DACH2: variants seen among roughly 807,000 people sequenced by gnomAD.
DACH2 encodes dachshund family transcription factor 2.
A neutral mutation model predicts 35.8 loss-of-function variants in DACH2; 17 were observed. The observed-to-expected ratio is 0.48, with a 90% CI of 0.33 to 0.71. DACH2 has a LOEUF of 0.71. Among genes scored for constraint, DACH2 ranks in the 30% least tolerant of loss-of-function variants. The pLI, the probability that DACH2 is intolerant of heterozygous loss-of-function variation, is 0.02. For synonymous variants in DACH2, 195 were observed against 177.3 expected (o/e 1.10, Z -0.79); for missense variants, 469 against 472.7 (o/e 0.99, Z 0.07).
chrX:86,284,223 C>T (rs1284180406), intron 1 of DACH2, among the ~76,000 whole-genome samples: 2 of 111,561 alleles, frequency 1.8e-5, no homozygotes, highest in Non-Finnish European at 3.8e-5. Context: ...AAGTATGATA[C>T]TAGCTTTTAG....
At chrX:86,254,823 G>T (rs1199078692) in intron 1 of DACH2, among the ~76,000 whole-genome samples, 4 of 88,749 alleles carry the variant, frequency 4.5e-5, no homozygotes, top group Non-Finnish European at 8.7e-5. Flanking sequence ...GAGAGAGAGA[G>T]AGAGAGAGAG....
intron 2 of DACH2, among the ~76,000 whole-genome samples, chrX:86,439,023 A>G (rs1435599231): frequency 8.9e-6 from 1 of 111,990 alleles, no homozygotes; most frequent in Non-Finnish European, 1.9e-5. Flanking sequence ...GGTGAATAAG[A>G]ATATAGTTCT....
chrX:86,693,659 A>G (rs1187264270), intron 4 of DACH2, among the ~76,000 whole-genome samples: 1 of 112,528 alleles, frequency 8.9e-6, no homozygotes, highest in Admixed American at 9.5e-5. Context: ...AAAGTTTACA[A>G]CTCTCAAAAC....
At chrX:86,830,817 C>T (rs2042605055) in intron 11 of DACH2, 1 of 111,397 alleles carries the variant, frequency 9.0e-6, no homozygotes, top group African/African-American at 3.3e-5. Context: ...GACATTTAGG[C>T]TGTGTATACA....
chrX:86,525,720 C>T (rs2038622258), intron 3 of DACH2, among the ~76,000 whole-genome samples: 1 of 111,408 alleles, frequency 9.0e-6, no homozygotes, highest in Non-Finnish European at 1.9e-5. Context: ...TCACTGATGC[C>T]TACACACTGT....
intron 2 of DACH2, among the ~76,000 whole-genome samples, chrX:86,493,248 A>G (rs1391996617): frequency 1.8e-5 from 2 of 111,830 alleles, no homozygotes; most frequent in Non-Finnish European, 3.8e-5. Flanking sequence ...AAAAAAGTGA[A>G]TATAAACCCT....
intron 3 of DACH2, among the ~76,000 whole-genome samples, chrX:86,563,129 CT>C (rs57289162): frequency 8.1e-4 from 84 of 103,946 alleles, no homozygotes; most frequent in East Asian, 4.0e-3. Flanking sequence ...GGGTAATTAT[CT>C]TTTTTTTTTT....
At chrX:86,814,389 G>A (rs9792775) in intron 9 of DACH2, among the ~76,000 whole-genome samples, 2 of 111,786 alleles carry the variant, frequency 1.8e-5, no homozygotes, top group Admixed American at 1.9e-4. Context: ...GAGAGTCAAA[G>A]TAGAAGACAA....
chrX:86,224,936 G>A (rs2032789323), intron 1 of DACH2, among the ~76,000 whole-genome samples: 1 of 111,371 alleles, frequency 9.0e-6, no homozygotes, highest in African/African-American at 3.3e-5. Flanking sequence ...CAGTAGTCTT[G>A]AGTGAGCTTC....
At chrX:86,571,215 C>CA (rs763701673) in intron 3 of DACH2, among the ~76,000 whole-genome samples, 50 of 111,135 alleles carry the variant, frequency 4.5e-4, no homozygotes, top group Non-Finnish European at 7.2e-4. Flanking sequence ...ATTACCTTGG[C>CA]AACTTTGTTG....
At chrX:86,658,523 A>G (rs2040569377) in intron 4 of DACH2, among the ~76,000 whole-genome samples, 1 of 111,610 alleles carries the variant, frequency 9.0e-6, no homozygotes, top group African/African-American at 3.2e-5. Flanking sequence ...TGGCTGCACC[A>G]TGACTCTGCA....
At chrX:86,572,024 A>T (rs183059487) in intron 3 of DACH2, among the ~76,000 whole-genome samples, 25 of 111,140 alleles carry the variant, frequency 2.2e-4, no homozygotes, top group South Asian at 1.5e-3. Flanking sequence ...TAGATTTTTT[A>T]AAAAAATTCA....
intron 3 of DACH2, among the ~76,000 whole-genome samples, chrX:86,548,195 G>T (rs2039001496): frequency 9.0e-6 from 1 of 111,235 alleles, no homozygotes; most frequent in South Asian, 3.7e-4. Flanking sequence ...GGCAGGTTTA[G>T]ATATGCAACT....
chrX:86,199,698 AT>A (rs2032095441), intron 1 of DACH2, among the ~76,000 whole-genome samples: 1 of 111,755 alleles, frequency 8.9e-6, no homozygotes, highest in Non-Finnish European at 1.9e-5. Flanking sequence ...GGCGGTAGCT[AT>A]TGTAAACAAT....
At chrX:86,648,481 A>C (rs2040439910) in intron 3 of DACH2, among the ~76,000 whole-genome samples, 1 of 111,397 alleles carries the variant, frequency 9.0e-6, no homozygotes, top group African/African-American at 3.2e-5. Context: ...TAAGAATTTA[A>C]TTGAACAGTT....
chrX:86,361,095 A>AT (rs1192510049), intron 1 of DACH2, among the ~76,000 whole-genome samples: 1 of 111,655 alleles, frequency 9.0e-6, no homozygotes, highest in Non-Finnish European at 1.9e-5. Flanking sequence ...ATCTGCTAAA[A>AT]TTTGAAAAAC....
intron 2 of DACH2, among the ~76,000 whole-genome samples, chrX:86,384,573 A>G (rs933610623): frequency 8.9e-6 from 1 of 112,054 alleles, no homozygotes; most frequent in Admixed American, 9.5e-5. Context: ...CAATTGCTCA[A>G]TGGGTTCTTC....
intron 1 of DACH2, among the ~76,000 whole-genome samples, chrX:86,235,520 T>A (rs958406496): frequency 8.9e-6 from 1 of 112,300 alleles, no homozygotes; most frequent in African/African-American, 3.2e-5. Flanking sequence ...ATGACCTCCT[T>A]CTCTGCTAAC....
At chrX:86,188,132 G>A (rs907180146) in intron 1 of DACH2, among the ~76,000 whole-genome samples, 4 of 111,667 alleles carry the variant, frequency 3.6e-5, no homozygotes, top group Non-Finnish European at 7.5e-5. Flanking sequence ...TGAAAGGAAC[G>A]CCAAGTAGCA....
Sources: gnomAD v4.1 joint callset for allele counts (sites outside exome capture counted in the v4.1 genomes callset) on GRCh38, gnomAD v4.1.1 for gene constraint, MANE v1.5 for transcripts, NCBI Gene and HGNC (gene_info 2026-07-23, HGNC 2026-07-21) for gene names.